SLC25A26: variants seen among roughly 807,000 people sequenced by gnomAD.
SLC25A26 encodes the protein solute carrier family 25 member 26.
SLC25A26 carries 36 observed loss-of-function variants against 37.8 expected under a neutral mutation model. The observed-to-expected ratio is 0.95, with a 90% CI of 0.73 to 1.26. The LOEUF is 1.26. Among genes scored for constraint, SLC25A26 ranks in the 50% most tolerant of loss-of-function variants. The pLI is 0.00. For missense variants in SLC25A26, 390 were observed against 331.1 expected (o/e 1.18, Z -1.38); for synonymous variants, 129 against 122.5 (o/e 1.05, Z -0.35).
chr3:66,346,332 T>C (rs772024331), intron 5 of SLC25A26, 32 bp from the exon 6 acceptor site: 57 of 1,319,660 alleles, frequency 4.3e-5, no homozygotes, highest in Non-Finnish European at 1.7e-5. Context: ...CTTTTTTGCC[T>C]AATTTATTTA....
chr3:66,314,850 G>C (rs1053209795), intron 5 of SLC25A26, among the ~76,000 whole-genome samples: 2 of 151,446 alleles, frequency 1.3e-5, no homozygotes, highest in Non-Finnish European at 2.9e-5. Flanking sequence ...GTTCATTCTT[G>C]GGAGGGTTTA....
At chr3:66,190,603 A>G (rs1367674301) in intron 1 of SLC25A26, among the ~76,000 whole-genome samples, 16 of 151,822 alleles carry the variant, frequency 1.1e-4, no homozygotes, top group African/African-American at 3.9e-4. Context: ...TAATTTTTGT[A>G]TTTTTAGTAG....
intron 1 of SLC25A26, among the ~76,000 whole-genome samples, chr3:66,187,112 C>G (rs1290788689): frequency 6.6e-6 from 1 of 151,750 alleles, no homozygotes; most frequent in East Asian, 1.9e-4. Flanking sequence ...TGACCCTGAC[C>G]CTGATCCTCA....
At chr3:66,371,217 G>A (rs1199004071) in intron 9 of SLC25A26, 1 of 1,522,202 alleles carries the variant, frequency 6.6e-7, no homozygotes, top group East Asian at 2.5e-5. Flanking sequence ...ATATACCAGG[G>A]ATTTTCTTGC....
intron 1 of SLC25A26, among the ~76,000 whole-genome samples, chr3:66,149,045 T>G (rs1006950112): frequency 4.6e-5 from 7 of 152,328 alleles, no homozygotes; most frequent in Admixed American, 4.6e-4. Context: ...CAAGAGCACC[T>G]GCTTCCTTTG....
At chr3:66,157,720 C>T (rs139417933) in intron 1 of SLC25A26, among the ~76,000 whole-genome samples, 13 of 152,322 alleles carry the variant, frequency 8.5e-5, no homozygotes, top group African/African-American at 3.1e-4. Flanking sequence ...CTACATCACA[C>T]TTACAAGTTT....
chr3:66,297,622 T>G (rs891913463), intron 5 of SLC25A26, among the ~76,000 whole-genome samples: 3 of 152,242 alleles, frequency 2.0e-5, no homozygotes, highest in Non-Finnish European at 2.9e-5. Flanking sequence ...GTTGGTAAAC[T>G]ATGACCTGTG....
intron 1 of SLC25A26, 82 bp downstream of exon 1, chr3:66,221,209 T>G: frequency 7.1e-7 from 1 of 1,403,330 alleles, no homozygotes. Context: ...GCACTGGTTT[T>G]CTTCCGGTTT....
chr3:66,217,289 T>C (rs1350935487), upstream of SLC25A26, among the ~76,000 whole-genome samples: 1 of 152,200 alleles, frequency 6.6e-6, no homozygotes, highest in Non-Finnish European at 1.5e-5. Flanking sequence ...CCAGGAACAT[T>C]AGTAGCTAGA....
At chr3:66,334,451 AT>A (rs2076049254) in intron 5 of SLC25A26, among the ~76,000 whole-genome samples, 1 of 151,958 alleles carries the variant, frequency 6.6e-6, no homozygotes, top group African/African-American at 2.4e-5. Flanking sequence ...AGTAGCTGGG[AT>A]TACAGATGTG....
chr3:66,161,067 C>G (rs1001302115), intron 1 of SLC25A26, among the ~76,000 whole-genome samples: 3 of 151,870 alleles, frequency 2.0e-5, no homozygotes, highest in African/African-American at 4.8e-5. Context: ...GGTTTGTTAT[C>G]CATATATTAA....
intron 7 of SLC25A26, among the ~76,000 whole-genome samples, chr3:66,366,309 A>G (rs981218230): frequency 1.3e-5 from 2 of 152,218 alleles, no homozygotes; most frequent in African/African-American, 4.8e-5. Flanking sequence ...CGTAGAAAAT[A>G]ACTACATTTT....
At chr3:66,262,723 T>C (rs551802995) in intron 4 of SLC25A26, among the ~76,000 whole-genome samples, 8 of 152,358 alleles carry the variant, frequency 5.3e-5, no homozygotes, top group African/African-American at 1.9e-4. Context: ...TTAGAAAAGT[T>C]ATTTGTAATG....
At chr3:66,223,033 T>A (rs2071574486) in intron 1 of SLC25A26, among the ~76,000 whole-genome samples, 1 of 152,246 alleles carries the variant, frequency 6.6e-6, no homozygotes, top group African/African-American at 2.4e-5. Flanking sequence ...CCATCTATTC[T>A]GCCCACTGGG....
chr3:66,263,588 T>A (rs1411885961), intron 5 of SLC25A26, among the ~76,000 whole-genome samples: 2 of 152,232 alleles, frequency 1.3e-5, no homozygotes, highest in Non-Finnish European at 2.9e-5. Context: ...GCAATTTCAG[T>A]GGTCAGAATG....
At chr3:66,209,063 T>C (rs2071230391) in intron 1 of SLC25A26, among the ~76,000 whole-genome samples, 1 of 28,824 alleles carries the variant, frequency 3.5e-5, no homozygotes, top group African/African-American at 1.3e-4. Context: ...TATATATATA[T>C]ATACACACAC....
chr3:66,205,628 A>G (rs1001656429), intron 1 of SLC25A26, among the ~76,000 whole-genome samples: 30 of 152,202 alleles, frequency 2.0e-4, no homozygotes, highest in Non-Finnish European at 3.8e-4. Flanking sequence ...TCAATTTTCT[A>G]TCACTTTGTC....
At chr3:66,288,027 C>T (rs1437056253) in intron 5 of SLC25A26, among the ~76,000 whole-genome samples, 2 of 152,128 alleles carry the variant, frequency 1.3e-5, no homozygotes, top group Non-Finnish European at 2.9e-5. Flanking sequence ...GTGTAGGGTA[C>T]AGAGGTGTAG....
intron 6 of SLC25A26, among the ~76,000 whole-genome samples, chr3:66,351,335 C>T (rs2076448684): frequency 6.6e-6 from 1 of 152,066 alleles, no homozygotes; most frequent in Non-Finnish European, 1.5e-5. Flanking sequence ...GGACAAGACA[C>T]CATAAAGAGA....
Sources: gnomAD v4.1 joint callset for allele counts (sites outside exome capture counted in the v4.1 genomes callset) on GRCh38, gnomAD v4.1.1 for gene constraint, MANE v1.5 for transcripts, NCBI Gene and HGNC (gene_info 2026-07-23, HGNC 2026-07-21) for gene names.